Variants in FER observed in about 807,000 individuals in gnomAD.
FER encodes the protein tyrosine-protein kinase Fer.
Under a neutral mutation model 111.0 loss-of-function variants are expected in FER, and 63 were observed. That is an observed-to-expected ratio of 0.57 (90% CI 0.46 to 0.70). The LOEUF (loss-of-function observed/expected upper bound fraction) is 0.70. Ranked by LOEUF, FER falls within the 30% of genes least tolerant of loss-of-function variation. The pLI, the probability that FER is intolerant of heterozygous loss-of-function variation, is 0.00. For synonymous variants in FER, 327 were observed against 313.9 expected, an observed-to-expected ratio of 1.04 and a Z score of -0.44; for missense variants, 914 against 954.0, an observed-to-expected ratio of 0.96 and a Z score of 0.55.
intron 8 of FER, among the ~76,000 whole-genome samples, chr5:108,874,052 A>G (rs1447774309): frequency 1.3e-5 from 2 of 152,138 alleles, no homozygotes; most frequent in African/African-American, 4.8e-5. Context: ...TAACTTACTA[A>G]TTTATTCATC....
chr5:108,958,513 T>A (rs1029438396), intron 12 of FER, among the ~76,000 whole-genome samples: 14 of 151,746 alleles, frequency 9.2e-5, no homozygotes, highest in African/African-American at 3.4e-4. Flanking sequence ...ATTTGAAATA[T>A]GAAAACAAGA....
intron 3 of FER, among the ~76,000 whole-genome samples, chr5:108,813,720 A>G (rs184587327): frequency 6.6e-5 from 10 of 152,226 alleles, no homozygotes; most frequent in Admixed American, 3.3e-4. Flanking sequence ...TCGTAACCCT[A>G]TTAATGAGGT....
chr5:109,020,315 A>G (rs1191715238), intron 13 of FER, among the ~76,000 whole-genome samples: 1 of 151,912 alleles, frequency 6.6e-6, no homozygotes, highest in African/African-American at 2.4e-5. Context: ...ATATTACTTT[A>G]TAGTCATATA....
At chr5:108,795,828 T>C (rs1755956123) in intron 2 of FER, among the ~76,000 whole-genome samples, 1 of 152,352 alleles carries the variant, frequency 6.6e-6, no homozygotes, top group South Asian at 2.1e-4. Context: ...ATTCTCTGTG[T>C]TAAAGATCCC....
intron 14 of FER, among the ~76,000 whole-genome samples, chr5:109,039,237 A>G (rs1770815544): frequency 6.6e-6 from 1 of 151,734 alleles, no homozygotes; most frequent in Admixed American, 6.6e-5. Context: ...ATTCAGCACT[A>G]TATTTTTAGT....
intron 17 of FER, among the ~76,000 whole-genome samples, chr5:109,104,265 T>C (rs1041032109): frequency 6.6e-6 from 1 of 152,208 alleles, no homozygotes; most frequent in South Asian, 2.1e-4. Flanking sequence ...ATTGAAGACA[T>C]TGATATTTCC....
At chr5:109,069,836 T>G (rs1008160206) in intron 16 of FER, among the ~76,000 whole-genome samples, 6 of 152,150 alleles carry the variant, frequency 3.9e-5, no homozygotes, top group African/African-American at 1.4e-4. Context: ...AATAAAAACC[T>G]TAAATGTAAT....
At chr5:109,083,415 G>A (rs116986360) in intron 16 of FER, among the ~76,000 whole-genome samples, 5,240 of 151,924 alleles carry the variant, frequency 0.034, 147 homozygotes, top group South Asian at 0.086. Flanking sequence ...AATATTCCAT[G>A]GCTATTATTG....
intron 11 of FER, among the ~76,000 whole-genome samples, chr5:108,952,222 G>A (rs1222073400): frequency 6.6e-6 from 1 of 152,086 alleles, no homozygotes; most frequent in East Asian, 1.9e-4. Flanking sequence ...CCTGTCTATT[G>A]AGGCTGAGAA....
At chr5:108,843,422 C>G (rs1194191224) in intron 5 of FER, among the ~76,000 whole-genome samples, 1 of 152,078 alleles carries the variant, frequency 6.6e-6, no homozygotes, top group Non-Finnish European at 1.5e-5. Flanking sequence ...ATGTATTAAT[C>G]CTTCATTTAA....
intron 13 of FER, among the ~76,000 whole-genome samples, chr5:109,029,985 A>C (rs1769366313): frequency 6.6e-6 from 1 of 152,052 alleles, no homozygotes; most frequent in African/African-American, 2.4e-5. Context: ...CAGGTTCCTA[A>C]GGTTCTGTTC....
At chr5:109,075,319 A>G (rs540981894) in intron 16 of FER, among the ~76,000 whole-genome samples, 10 of 152,298 alleles carry the variant, frequency 6.6e-5, no homozygotes, top group Middle Eastern at 3.4e-3. Flanking sequence ...ATCTAGTTGT[A>G]AAACTGATCT....
intron 16 of FER, among the ~76,000 whole-genome samples, chr5:109,095,333 C>T (rs1290475868): frequency 3.9e-5 from 6 of 152,012 alleles, no homozygotes; most frequent in African/African-American, 1.4e-4. Flanking sequence ...TTTAATCTTC[C>T]TCATCTTGCC....
At chr5:108,985,605 G>A (rs1411880957) in intron 13 of FER, among the ~76,000 whole-genome samples, 1 of 152,008 alleles carries the variant, frequency 6.6e-6, no homozygotes, top group African/African-American at 2.4e-5. Flanking sequence ...CATTTCCCAC[G>A]AGTCCCCAAA....
intron 2 of FER, among the ~76,000 whole-genome samples, chr5:108,771,867 A>T (rs934894069): frequency 1.3e-5 from 2 of 152,224 alleles, no homozygotes; most frequent in African/African-American, 4.8e-5. Context: ...CATATATAAG[A>T]AAATAACCAT....
At chr5:108,844,831 A>T (rs777600602) in intron 5 of FER, among the ~76,000 whole-genome samples, 1 of 151,204 alleles carries the variant, frequency 6.6e-6, no homozygotes, top group Non-Finnish European at 1.5e-5. Flanking sequence ...TGTTGCATGT[A>T]TGAGTAATTC....
At chr5:109,165,981 C>T (rs1214461089) in intron 17 of FER, among the ~76,000 whole-genome samples, 10 of 152,134 alleles carry the variant, frequency 6.6e-5, no homozygotes, top group Non-Finnish European at 7.3e-5. Flanking sequence ...GGGTTGTCAG[C>T]TGGCATCCAG....
intron 9 of FER, among the ~76,000 whole-genome samples, chr5:108,885,485 A>G (rs1266019984): frequency 6.6e-6 from 1 of 151,924 alleles, no homozygotes; most frequent in African/African-American, 2.4e-5. Flanking sequence ...TAAAGAGCAG[A>G]CTTTATTTCT....
chr5:108,782,985 A>G (rs1456086787), intron 2 of FER, among the ~76,000 whole-genome samples: 7 of 152,186 alleles, frequency 4.6e-5, no homozygotes, highest in Admixed American at 1.3e-4. Flanking sequence ...TCTGTCTTCT[A>G]CTAATAGTAC....
Sources: allele counts gnomAD v4.1 joint callset (sites outside exome capture counted in the v4.1 genomes callset), GRCh38; gene constraint gnomAD v4.1.1; transcripts MANE v1.5; gene names NCBI Gene and HGNC (gene_info 2026-07-23, HGNC 2026-07-21).